The following ZCCHC7 variants were observed in gnomAD, a reference collection of about 807,000 sequenced individuals.
ZCCHC7 encodes the protein zinc finger CCHC domain-containing protein 7.
In ZCCHC7, 35 loss-of-function variants were observed where a neutral mutation model predicts 52.0. The observed-to-expected ratio is 0.67, with a 90% CI of 0.51 to 0.89. The LOEUF is 0.89. Among genes scored for constraint, ZCCHC7 ranks in the 40% least tolerant of loss-of-function variants. ZCCHC7 has a pLI of 0.00. For missense variants in ZCCHC7, 574 were observed against 649.1 expected, an observed-to-expected ratio of 0.88 and a Z score of 1.26; for synonymous variants, 217 against 221.5, an observed-to-expected ratio of 0.98 and a Z score of 0.18.
chr9:37,160,001 T>C (rs1318275051), intron 2 of ZCCHC7: 1 of 152,240 alleles, frequency 6.6e-6, no homozygotes, highest in African/African-American at 2.4e-5. Flanking sequence ...CATTAAACAT[T>C]AGGACCTTCT....
intron 2 of ZCCHC7, among the ~76,000 whole-genome samples, chr9:37,201,076 G>T (rs995041464): frequency 3.3e-5 from 5 of 152,150 alleles, no homozygotes; most frequent in African/African-American, 4.8e-5. Flanking sequence ...TGTAACTTTT[G>T]TTTTGAATTC....
intron 2 of ZCCHC7, among the ~76,000 whole-genome samples, chr9:37,268,421 A>C (rs1427404512): frequency 6.6e-6 from 1 of 151,066 alleles, no homozygotes; most frequent in Non-Finnish European, 1.5e-5. Context: ...AAAAAAAATA[A>C]GCAAAATTTC....
At chr9:37,355,058 T>C (rs1821612430) in intron 8 of ZCCHC7, among the ~76,000 whole-genome samples, 1 of 152,230 alleles carries the variant, frequency 6.6e-6, no homozygotes, top group East Asian at 1.9e-4. Flanking sequence ...TTTTAGGAAA[T>C]GTCCAGAAAA....
At chr9:37,159,384 A>G (rs1327012707) in intron 2 of ZCCHC7, among the ~76,000 whole-genome samples, 3 of 152,224 alleles carry the variant, frequency 2.0e-5, no homozygotes, top group Non-Finnish European at 4.4e-5. Context: ...TAAATGATTT[A>G]CTAATCTATT....
At chr9:37,169,544 T>C (rs1821615780) in intron 2 of ZCCHC7, among the ~76,000 whole-genome samples, 1 of 152,182 alleles carries the variant, frequency 6.6e-6, no homozygotes, top group Admixed American at 6.5e-5. Context: ...TAAGTCTAAT[T>C]CCCCTGGTAA....
chr9:37,164,692 C>T (rs1385249701), intron 2 of ZCCHC7, among the ~76,000 whole-genome samples: 1 of 152,128 alleles, frequency 6.6e-6, no homozygotes, highest in Non-Finnish European at 1.5e-5. Flanking sequence ...GATTCTCTTA[C>T]CTCAGACTCT....
At chr9:37,347,059 A>G (rs1821027289) in intron 6 of ZCCHC7, among the ~76,000 whole-genome samples, 1 of 152,154 alleles carries the variant, frequency 6.6e-6, no homozygotes. Flanking sequence ...AACATAAGAA[A>G]TAAAGTGATC....
intron 5 of ZCCHC7, among the ~76,000 whole-genome samples, chr9:37,307,462 T>C (rs891060800): frequency 3.9e-5 from 6 of 152,178 alleles, no homozygotes; most frequent in African/African-American, 1.4e-4. Context: ...GCAATTCTAA[T>C]TGATTTAAGG....
At chr9:37,240,812 A>AT (rs1452418800) in intron 2 of ZCCHC7, among the ~76,000 whole-genome samples, 1 of 151,830 alleles carries the variant, frequency 6.6e-6, no homozygotes, top group Non-Finnish European at 1.5e-5. Flanking sequence ...AAAGGCCATC[A>AT]TTTTGTGTTT....
rs572627920 is a variant in ZCCHC7 at position 37,147,838 on chromosome 9, A to C, written c.610+20896A>C. On this transcript the variant is annotated intron_variant, in intron 2 of 8. Transcript: ENST00000336755. ...AAATACTTATCAACTAATTTTTATT[A>C]GCATTGCATTTTTAAAAAAATCTAC... 2.5e-3 allele frequency among the ~76,000 whole-genome samples: 378 copies of C among 152,180 alleles called. 2 individuals carry two copies. The highest frequency in any genetic ancestry group is 8.4e-3 in the African/African-American group (351 of 41,564).
chr9:37,194,064 C>G (rs1823157209), intron 2 of ZCCHC7, among the ~76,000 whole-genome samples: 1 of 152,140 alleles, frequency 6.6e-6, no homozygotes, highest in Non-Finnish European at 1.5e-5. Flanking sequence ...CTTGCCTATC[C>G]CACACAATTA....
At chr9:37,260,573 T>C (rs895566438) in intron 2 of ZCCHC7, among the ~76,000 whole-genome samples, 2 of 152,212 alleles carry the variant, frequency 1.3e-5, no homozygotes, top group African/African-American at 2.4e-5. Context: ...CTGGTAAGCT[T>C]ACTCTGCCCA....
At chr9:37,226,241 A>G (rs963534833) in intron 2 of ZCCHC7, among the ~76,000 whole-genome samples, 1 of 152,228 alleles carries the variant, frequency 6.6e-6, no homozygotes, top group African/African-American at 2.4e-5. Context: ...GCAAAAATGT[A>G]TAACACTTTT....
chr9:37,287,384 G>T (rs959134093), intron 2 of ZCCHC7, among the ~76,000 whole-genome samples: 1 of 152,058 alleles, frequency 6.6e-6, no homozygotes, highest in African/African-American at 2.4e-5. Flanking sequence ...ACATAAAGTT[G>T]TATGTAATAA....
chr9:37,352,424 G>A (rs1175913558), intron 7 of ZCCHC7, among the ~76,000 whole-genome samples: 4 of 152,054 alleles, frequency 2.6e-5, no homozygotes, highest in South Asian at 2.1e-4. Flanking sequence ...GGGGGAGCAC[G>A]GGCTGGGAGA....
intron 2 of ZCCHC7, among the ~76,000 whole-genome samples, chr9:37,265,258 T>C (rs1827047380): frequency 6.6e-6 from 1 of 152,206 alleles, no homozygotes; most frequent in Admixed American, 6.5e-5. Context: ...TAAAAGTAAG[T>C]AGACGTTCCA....
intron 2 of ZCCHC7, among the ~76,000 whole-genome samples, chr9:37,202,641 C>T (rs1823695097): frequency 6.6e-6 from 1 of 152,110 alleles, no homozygotes; most frequent in African/African-American, 2.4e-5. Context: ...CCACCATGCC[C>T]AGCTAATTTT....
chr9:37,241,484 AT>A (rs1825871633), intron 2 of ZCCHC7, among the ~76,000 whole-genome samples: 1 of 151,880 alleles, frequency 6.6e-6, no homozygotes, highest in East Asian at 1.9e-4. Flanking sequence ...CAAAAAAGAT[AT>A]GTAAATTAAA....
intron 6 of ZCCHC7, among the ~76,000 whole-genome samples, chr9:37,329,559 A>C (rs1008332815): frequency 1.3e-5 from 2 of 151,878 alleles, no homozygotes; most frequent in African/African-American, 2.4e-5. Context: ...TGAAATTAAT[A>C]ATGAGTTTAC....
Sources: gnomAD v4.1 joint callset for allele counts (sites outside exome capture counted in the v4.1 genomes callset) on GRCh38, gnomAD v4.1.1 for gene constraint, MANE v1.5 for transcripts, NCBI Gene and HGNC (gene_info 2026-07-23, HGNC 2026-07-21) for gene names.